MPPED2: variants seen among roughly 807,000 people sequenced by gnomAD.
MPPED2 encodes the protein metallophosphoesterase MPPED2.
Under a neutral mutation model 33.0 loss-of-function variants are expected in MPPED2, and 5 were observed. The observed-to-expected ratio is 0.15, with a 90% CI of 0.08 to 0.32. The LOEUF (loss-of-function observed/expected upper bound fraction) is 0.32, where lower values mean the gene tolerates loss of function less well. MPPED2 is among the 10% of genes least tolerant of loss of function. The pLI is 1.00. For missense variants in MPPED2, 275 were observed against 372.1 expected (o/e 0.74, Z 2.15); for synonymous variants, 136 against 141.9 (o/e 0.96, Z 0.29).
At chr11:30,567,935 A>C (rs1454736260) in intron 2 of MPPED2, among the ~76,000 whole-genome samples, 1 of 152,148 alleles carries the variant, frequency 6.6e-6, no homozygotes, top group Non-Finnish European at 1.5e-5. Flanking sequence ...GAGAGAGCAA[A>C]ACCCTAAAAA....
intron 4 of MPPED2, among the ~76,000 whole-genome samples, chr11:30,448,682 A>ATT (rs370379481): frequency 6.9e-5 from 10 of 145,970 alleles, no homozygotes; most frequent in Non-Finnish European, 1.1e-4. Flanking sequence ...ACTCCCCACT[A>ATT]TTTTTTTTTT....
At chr11:30,529,358 G>A (rs1954382775) in intron 3 of MPPED2, among the ~76,000 whole-genome samples, 1 of 152,114 alleles carries the variant, frequency 6.6e-6, no homozygotes. Flanking sequence ...CAAATATTTG[G>A]ATTTTTATAA....
intron 4 of MPPED2, among the ~76,000 whole-genome samples, chr11:30,452,596 G>C (rs776977087): frequency 3.9e-5 from 6 of 152,166 alleles, no homozygotes; most frequent in Non-Finnish European, 8.8e-5. Flanking sequence ...CTGGGGGTAA[G>C]GTATGTACTG....
chr11:30,394,893 G>C (rs1947821826), intron 6 of MPPED2, among the ~76,000 whole-genome samples: 1 of 151,994 alleles, frequency 6.6e-6, no homozygotes, highest in Non-Finnish European at 1.5e-5. Context: ...AATCCCTTTT[G>C]AGACAACTTA....
intron 4 of MPPED2, among the ~76,000 whole-genome samples, chr11:30,439,008 T>C (rs1456461193): frequency 3.3e-5 from 5 of 152,152 alleles, no homozygotes; most frequent in Non-Finnish European, 7.4e-5. Flanking sequence ...AGGAGAAATA[T>C]CTAAATAGAA....
intron 3 of MPPED2, among the ~76,000 whole-genome samples, chr11:30,512,516 G>T (rs1321673216): frequency 6.6e-6 from 1 of 152,108 alleles, no homozygotes; most frequent in East Asian, 1.9e-4. Context: ...TGCTCTTGTT[G>T]TGGGGGGAAG....
chr11:30,414,809 TAA>T (rs1329575893), intron 5 of MPPED2, among the ~76,000 whole-genome samples: 1 of 152,178 alleles, frequency 6.6e-6, no homozygotes, highest in Non-Finnish European at 1.5e-5. Context: ...TTAGATACAC[TAA>T]GTCTTACCCC....
intron 4 of MPPED2, among the ~76,000 whole-genome samples, chr11:30,465,438 G>A (rs2134024340): frequency 6.6e-6 from 1 of 152,222 alleles, no homozygotes. Context: ...CAGGCCCACG[G>A]CATCATGCCT....
chr11:30,497,756 C>A (rs1952348972), intron 3 of MPPED2, among the ~76,000 whole-genome samples: 2 of 150,208 alleles, frequency 1.3e-5, no homozygotes. Flanking sequence ...AAATCTTTCT[C>A]AGAAAGACAA....
At chr11:30,549,545 G>A (rs1955599703) in intron 2 of MPPED2, among the ~76,000 whole-genome samples, 1 of 152,146 alleles carries the variant, frequency 6.6e-6, no homozygotes, top group Admixed American at 6.5e-5. Flanking sequence ...GAGACTTGCA[G>A]GTCTCCTATA....
At chr11:30,484,250 T>C (rs891295806) in intron 4 of MPPED2, among the ~76,000 whole-genome samples, 5 of 152,190 alleles carry the variant, frequency 3.3e-5, no homozygotes, top group Non-Finnish European at 7.3e-5. Flanking sequence ...GGAAGACTAT[T>C]ATTTAAGCTA....
chr11:30,436,246 T>C (rs566157642), intron 4 of MPPED2, among the ~76,000 whole-genome samples: 9 of 152,248 alleles, frequency 5.9e-5, no homozygotes, highest in African/African-American at 1.9e-4. Flanking sequence ...ATTGAGTACT[T>C]GATAAATATT....
chr11:30,407,515 C>T (rs1948008769), downstream of MPPED2, among the ~76,000 whole-genome samples: 1 of 152,188 alleles, frequency 6.6e-6, no homozygotes, highest in Non-Finnish European at 1.5e-5. Flanking sequence ...CTAAGCAATG[C>T]AAACAAACTT....
At chr11:30,565,893 T>A (rs1956420653) in intron 2 of MPPED2, among the ~76,000 whole-genome samples, 1 of 152,200 alleles carries the variant, frequency 6.6e-6, no homozygotes. Context: ...TAAGTCAATG[T>A]TTTTAAGAAT....
chr11:30,389,106 G>C (rs1947739115), intron 6 of MPPED2: 18 of 1,218,816 alleles, frequency 1.5e-5, no homozygotes, highest in Non-Finnish European at 1.8e-5. Context: ...AACTGTGTTA[G>C]ATTAAGTTCA....
chr11:30,417,926 C>T (rs185986748), intron 4 of MPPED2, among the ~76,000 whole-genome samples: 29 of 152,312 alleles, frequency 1.9e-4, no homozygotes, highest in Admixed American at 6.5e-4. Flanking sequence ...TCCCCTAAAT[C>T]TCAGTGCTTC....
chr11:30,384,984 T>A (rs1358132652), exon 7 of MPPED2: 4 of 152,170 alleles, frequency 2.6e-5, no homozygotes, highest in Non-Finnish European at 5.9e-5. Flanking sequence ...GCCCTGTATG[T>A]GCCTGTGTGT....
chr11:30,539,422 T>G (rs376512862), intron 2 of MPPED2, among the ~76,000 whole-genome samples: 1 of 152,104 alleles, frequency 6.6e-6, no homozygotes, highest in South Asian at 2.1e-4. Flanking sequence ...TATTTGCACA[T>G]ATGTTTGAGT....
chr11:30,447,693 G>A lies in MPPED2; in HGVS notation c.537-30060C>T, dbSNP rs138681405. Among the ~76,000 whole-genome samples the A allele has an allele frequency of 2.3e-3, 344 of 152,288 alleles. 3 individuals carry two copies. The highest frequency in any genetic ancestry group is 7.7e-3 in the African/African-American group (318 of 41,550). ...AGTGGCACAGCAAACAAGAGTTTGC[G>A]CAGTTAAACAGGGGCAAGTAAGAAA... On this transcript the variant is annotated intron_variant, in intron 4 of 6. Transcript: ENST00000358117.
Sources: gnomAD v4.1 joint callset for allele counts (sites outside exome capture counted in the v4.1 genomes callset) on GRCh38, gnomAD v4.1.1 for gene constraint, MANE v1.5 for transcripts, NCBI Gene and HGNC (gene_info 2026-07-23, HGNC 2026-07-21) for gene names.